Variants in CDH13 observed in about 807,000 individuals in gnomAD.
CDH13 encodes the protein cadherin-13.
Under a neutral mutation model 63.8 loss-of-function variants are expected in CDH13, and 24 were observed. That is an observed-to-expected ratio of 0.38 (90% CI 0.27 to 0.53). The LOEUF is 0.53. CDH13 is among the 20% of genes least tolerant of loss of function. The pLI is 0.85. For synonymous variants in CDH13, 503 were observed against 355.3 expected (o/e 1.42, Z -4.67); for missense variants, 1,049 against 903.1 (o/e 1.16, Z -2.07).
rs2034244727 is a variant in CDH13, at chr16:82,747,810, T to G, written c.46-110552T>G. Among the ~76,000 whole-genome samples, 4 of 152,218 alleles carry G rather than the reference T, an allele frequency of 2.6e-5. No individual in the cohort carries two copies. The South Asian group carries it at 8.3e-4, about 32-fold the overall frequency. ...TTGGGATTTAGGAATAGCAGAGTAT[T>G]AGTATTCCAGAGGCAAAATTGTAAT... On this transcript the variant is annotated intron_variant, in intron 1 of 13. Coordinates refer to ENST00000567109, the MANE Select transcript of CDH13 (RefSeq NM_001257.5).
Position 83,748,248 on chromosome 16 carries a change from G to A in CDH13, c.1679G>A (p.Ser560Asn), listed in dbSNP as rs973209254. 3.1e-6 allele frequency: 5 copies of A among 1,607,538 alleles called. No homozygotes were observed. The highest frequency in any genetic ancestry group is 4.3e-6 in the Non-Finnish European group (5 of 1,174,866). The change falls in exon 11 of 14, where the codon AGT becomes AAT. Residue 560 changes from serine (S) to asparagine (N), a missense_variant and splice_region_variant. Physicochemically the swap from Ser to Asn is conservative, Grantham distance 46. Coordinates refer to ENST00000567109, the MANE Select transcript of CDH13 (RefSeq NM_001257.5). ...ACTGCTCTCTTCCTGGCAATTGACA[G>A]TGGTGAGTACTTGACAAAGACCATC... ...VYTALFLAID[S>N]GNPPATGTGT...
intron 2 of CDH13, among the ~76,000 whole-genome samples, chr16:82,939,955 G>T (rs72790149): frequency 0.057 from 8,686 of 152,256 alleles, 354 homozygotes; most frequent in East Asian, 0.15. Context: ...ATGGTGGAAG[G>T]TGAAGAGGAG....
intron 7 of CDH13, among the ~76,000 whole-genome samples, chr16:83,514,543 G>T (rs539639693): frequency 1.3e-5 from 2 of 152,300 alleles, no homozygotes; most frequent in South Asian, 4.1e-4. Flanking sequence ...TACTCAGGAG[G>T]CTGAGGCATG....
intron 5 of CDH13, among the ~76,000 whole-genome samples, chr16:83,328,678 T>C (rs7197862): frequency 0.99 from 150,504 of 152,260 alleles, 74,411 homozygotes; most frequent in Middle Eastern, 1. Context: ...TTTGAAGATA[T>C]AGCTGATGGA....
intron 3 of CDH13, among the ~76,000 whole-genome samples, chr16:83,089,981 A>G (rs1200270948): frequency 1.3e-5 from 2 of 152,178 alleles, no homozygotes; most frequent in African/African-American, 2.4e-5. Flanking sequence ...AGGAGCCTCT[A>G]AGATCCCTCA....
At chr16:83,573,013 C>T (rs908097347) in intron 7 of CDH13, among the ~76,000 whole-genome samples, 1 of 152,188 alleles carries the variant, frequency 6.6e-6, no homozygotes, top group East Asian at 1.9e-4. Flanking sequence ...AGGCCTTGAA[C>T]ACGTTGACAT....
rs139927216 is a variant in CDH13 at position 83,245,509 on chromosome 16, C to T, written c.636+28012C>T. 5.2e-3 allele frequency among the ~76,000 whole-genome samples: 792 copies of T among 152,274 alleles called. 5 individuals are homozygous for T. The highest frequency in any genetic ancestry group is 0.01 in the Middle Eastern group (3 of 294). On this transcript the variant is annotated intron_variant, in intron 5 of 13. Coordinates refer to ENST00000567109, the MANE Select transcript of CDH13 (RefSeq NM_001257.5). ...CTGGCCTCCTTTGGAAAGTAAAACC[C>T]GAGAACTCCATCTAGGCTTCGAGTT...
At chr16:83,397,454 C>G (rs2091905107) in intron 6 of CDH13, 1 of 152,152 alleles carries the variant, frequency 6.6e-6, no homozygotes, top group African/African-American at 2.4e-5. Flanking sequence ...TCTGTTGTGA[C>G]TTTTATAAGG....
At chr16:83,539,629 C>T (rs759060383) in intron 7 of CDH13, among the ~76,000 whole-genome samples, 11 of 152,196 alleles carry the variant, frequency 7.2e-5, no homozygotes, top group Non-Finnish European at 1.3e-4. Flanking sequence ...AATGATAATT[C>T]TAGCTGATAT....
intron 1 of CDH13, among the ~76,000 whole-genome samples, chr16:82,702,604 A>T (rs2031136415): frequency 6.6e-6 from 1 of 151,570 alleles, no homozygotes. Flanking sequence ...GAATCAATAA[A>T]ACTTCCATTT....
chr16:83,340,386 T>C (rs577126425), intron 5 of CDH13, among the ~76,000 whole-genome samples: 10 of 152,248 alleles, frequency 6.6e-5, no homozygotes, highest in African/African-American at 2.2e-4. Flanking sequence ...TCCTGGCCTG[T>C]GTACTTGGGA....
intron 1 of CDH13, among the ~76,000 whole-genome samples, chr16:82,682,355 A>G (rs1914639537): frequency 6.6e-6 from 1 of 152,230 alleles, no homozygotes; most frequent in Non-Finnish European, 1.5e-5. Flanking sequence ...AATAGAGTAG[A>G]AAGTTTTCAT....
At chr16:83,226,470 T>C (rs935958601) in intron 5 of CDH13, among the ~76,000 whole-genome samples, 6 of 152,172 alleles carry the variant, frequency 3.9e-5, no homozygotes, top group African/African-American at 1.4e-4. Context: ...TTTTCTCTTC[T>C]CCACCCCCAC....
At chr16:82,906,989 G>T (rs1445374553) in intron 2 of CDH13, among the ~76,000 whole-genome samples, 3 of 152,162 alleles carry the variant, frequency 2.0e-5, no homozygotes, top group African/African-American at 7.2e-5. Context: ...AAATAAGGTT[G>T]CATTCTGAGG....
At chr16:83,384,119 C>T (rs942071049) in intron 6 of CDH13, among the ~76,000 whole-genome samples, 6 of 152,206 alleles carry the variant, frequency 3.9e-5, no homozygotes, top group African/African-American at 1.4e-4. Flanking sequence ...CAAGTTCAAA[C>T]TGATATCTCC....
intron 5 of CDH13, among the ~76,000 whole-genome samples, chr16:83,319,997 G>A (rs1337841255): frequency 6.6e-6 from 1 of 152,144 alleles, no homozygotes; most frequent in African/African-American, 2.4e-5. Context: ...TCTGCAGCAC[G>A]TGACACAGGT....
intron 1 of CDH13, among the ~76,000 whole-genome samples, chr16:82,675,927 G>C (rs1175208515): frequency 6.6e-6 from 1 of 152,170 alleles, no homozygotes; most frequent in Non-Finnish European, 1.5e-5. Flanking sequence ...GCAGCTGTAA[G>C]CAGCAAACTG....
intron 5 of CDH13, among the ~76,000 whole-genome samples, chr16:83,256,865 A>T (rs2151831479): frequency 6.7e-6 from 1 of 148,218 alleles, no homozygotes; most frequent in African/African-American, 2.5e-5. Flanking sequence ...AAAAAAAAAA[A>T]AAATAGTTCC....
At chr16:83,275,316 G>A (rs1039815487) in intron 5 of CDH13, among the ~76,000 whole-genome samples, 5 of 152,152 alleles carry the variant, frequency 3.3e-5, no homozygotes, top group Non-Finnish European at 5.9e-5. Context: ...AATTAGGTCA[G>A]CCATCATACT....
Sources: allele counts gnomAD v4.1 joint callset (sites outside exome capture counted in the v4.1 genomes callset), GRCh38; gene constraint gnomAD v4.1.1; transcripts MANE v1.5; gene names NCBI Gene and HGNC (gene_info 2026-07-23, HGNC 2026-07-21).